The following PPP1R15B variants were observed in gnomAD, a reference collection of about 807,000 sequenced individuals.
The protein encoded by PPP1R15B is protein phosphatase 1, regulatory (inhibitor) subunit 15B.
Under a neutral mutation model 53.9 loss-of-function variants are expected in PPP1R15B, and 31 were observed. The observed-to-expected ratio is 0.58, with a 90% CI of 0.43 to 0.78. PPP1R15B has a LOEUF of 0.78. Among genes scored for constraint, PPP1R15B ranks in the 30% least tolerant of loss-of-function variants. PPP1R15B has a pLI of 0.00. For synonymous variants in PPP1R15B, 345 were observed against 329.1 expected, an observed-to-expected ratio of 1.05 and a Z score of -0.52; for missense variants, 928 against 849.6, an observed-to-expected ratio of 1.09 and a Z score of -1.15.
In PPP1R15B at chr1:204,405,526, GA is replaced by G. The variant is rs551600593; in HGVS notation, c.*565del. Reference sequence around the variant, plus strand: ...TTTTCAATCCAAGTCATTTTTACAAGAAAAAAAAAAGTGACACAAAATAATG... The same window carrying G: ...TTTTCAATCCAAGTCATTTTTACAAGAAAAAAAAAGTGACACAAAATAATG... On this transcript the variant is annotated 3_prime_UTR_variant, in exon 2 of 2. Transcript: ENST00000367188. 447 of 907,364 alleles carry G rather than the reference GA, an allele frequency of 4.9e-4. No homozygotes were observed. Among genetic ancestry groups the G allele is most frequent in the Middle Eastern group, 5.6e-4 (1 of 1,776 alleles). The allele number at this position is 907,364 out of a possible 1,614,324, so 56.2% of individuals were successfully genotyped here.
chr1:204,405,772 T>C lies in PPP1R15B; in HGVS notation c.*320A>G. The C allele has an allele frequency of 9.6e-7, 1 of 1,044,188 alleles. No individual in the cohort carries two copies. The highest frequency in any genetic ancestry group is 1.2e-6 in the Non-Finnish European group (1 of 865,874). 64.7% of individuals were successfully genotyped at this position (1,044,188 alleles called of 1,614,324 possible). A position where few individuals can be genotyped will look rare whatever the true frequency, so the allele number is the denominator to read the frequency against. On this transcript the variant is annotated 3_prime_UTR_variant, in exon 2 of 2. Transcript: ENST00000367188. ...CTATAAATATTGTTTTCCAAGAAAA[T>C]AAGTTTTGAAAGTGCAAAATGACAA... is the stretch of plus-strand genomic sequence containing the variant.
At chr1:204,399,782 G>A (rs1674147344), downstream of PPP1R15B, among the ~76,000 whole-genome samples, 1 of 152,078 alleles carries the variant, frequency 6.6e-6, no homozygotes, top group South Asian at 2.1e-4. Flanking sequence ...GGGGTTGGGG[G>A]ATAGAGTGAT....
In PPP1R15B at chr1:204,409,694, G is replaced by C; in HGVS notation, c.1718C>G (p.Ala573Gly). 6.2e-7 allele frequency: 1 copy of C among 1,614,050 alleles called. No homozygotes were observed. Among genetic ancestry groups the C allele is most frequent in the East Asian group, 2.2e-5 (1 of 44,872 alleles). ...ATTTTCCCCTGATGTTTGAAAAGGA[G>C]CCTTAAAATTTAAAGGGTTGTAGGG... The part of the protein sequence containing the change: ...DDPYNPLNFK[A>G]PFQTSGENEK... Residue 573 changes from alanine to glycine, a missense_variant, in exon 1 of 2, where the codon GCT (alanine) becomes GGT (glycine). Ala to Gly is a moderately conservative substitution (Grantham distance 60). Transcript: ENST00000367188.
At chr1:204,399,679 T>C (rs1385346112), downstream of PPP1R15B, among the ~76,000 whole-genome samples, 1 of 151,684 alleles carries the variant, frequency 6.6e-6, no homozygotes, top group Non-Finnish European at 1.5e-5. Flanking sequence ...TACAGACTAG[T>C]GAGGGTGGTG....
downstream of PPP1R15B, among the ~76,000 whole-genome samples, chr1:204,396,103 C>T (rs979267116): frequency 7.2e-5 from 11 of 152,126 alleles, no homozygotes; most frequent in African/African-American, 2.7e-4. Flanking sequence ...AGACACTCAA[C>T]AGCACAGATG....
chr1:204,410,859 G>C lies in PPP1R15B; in HGVS notation c.553C>G (p.Leu185Val), dbSNP rs1304590380. ...CGGGATTGAAGGCTACTGGGCAACA[G>C]CTCCACTCCCCACAGCTGCTGCTCT... ...LLEQQLWGVELLPSSLQSRLY... is the reference protein window; with the variant it reads ...LLEQQLWGVEVLPSSLQSRLY... The change falls in exon 1 of 2, where the codon CTG becomes GTG. Residue 185 changes from leucine to valine, a missense_variant. Leu to Val is a conservative substitution (Grantham distance 32). Coordinates refer to ENST00000367188, the MANE Select transcript of PPP1R15B (RefSeq NM_032833.5). 2 of 1,614,076 alleles carry C rather than the reference G, an allele frequency of 1.2e-6. No homozygotes were observed. The highest frequency in any genetic ancestry group is 2.7e-5 in the African/African-American group (2 of 74,938).
intron 1 of PPP1R15B, among the ~76,000 whole-genome samples, chr1:204,408,859 T>G (rs1395045368): frequency 1.3e-5 from 2 of 152,202 alleles, no homozygotes; most frequent in Non-Finnish European, 2.9e-5. Flanking sequence ...CACTGATAAC[T>G]AGCATTGCAT....
At chr1:204,401,627 G>A (rs1380664212), downstream of PPP1R15B, among the ~76,000 whole-genome samples, 1 of 152,066 alleles carries the variant, frequency 6.6e-6, no homozygotes, top group Non-Finnish European at 1.5e-5. Flanking sequence ...TTTTAAAAAG[G>A]TACAGAGAAT....
chr1:204,401,750 A>G (rs1210118107), downstream of PPP1R15B, among the ~76,000 whole-genome samples: 1 of 152,138 alleles, frequency 6.6e-6, no homozygotes, highest in Non-Finnish European at 1.5e-5. Context: ...GCAAAACCCC[A>G]TCTCTACAAA....
chr1:204,397,336 G>A (rs1469239078), downstream of PPP1R15B, among the ~76,000 whole-genome samples: 1 of 152,064 alleles, frequency 6.6e-6, no homozygotes, highest in Non-Finnish European at 1.5e-5. Flanking sequence ...ACCACCCTGG[G>A]CAACATGGGG....
At position 204,410,606 on chromosome 1, in the gene PPP1R15B, G is replaced by T. The variant is rs1038411739; in HGVS notation, c.806C>A (p.Pro269Gln). The T allele has an allele frequency of 1.9e-6, 3 of 1,614,018 alleles. No individual in the cohort carries two copies. Among genetic ancestry groups the T allele is most frequent in the Non-Finnish European group, 1.7e-6 (2 of 1,179,930 alleles). The part of the protein sequence containing the change: ...CLREDHCHPQ[P>Q]LSAELIPASW... ...GGCCGGAATGAGTTCTGCACTCAGC[G>T]GCTGGGGATGACAATGGTCCTCTCT... Residue 269 changes from proline (P) to glutamine (Q), a missense_variant, in exon 1 of 2, where the codon CCG (proline) becomes CAG (glutamine). Physicochemically the swap from Pro to Gln is moderately conservative, Grantham distance 76. Coordinates refer to ENST00000367188, the MANE Select transcript of PPP1R15B (RefSeq NM_032833.5).
At position 204,406,282 on chromosome 1, in the gene PPP1R15B, T is replaced by C. The variant is rs1386378946; in HGVS notation, c.1952A>G (p.Tyr651Cys). ...VTFLEEVTEY[Y>C]ISGDEDRKGP... ...TTTGCGATCCTCATCACCACTTATATAATACTCAGTAACTTCTTCAAGGAA... is the reference window on the plus strand; with the variant it reads ...TTTGCGATCCTCATCACCACTTATACAATACTCAGTAACTTCTTCAAGGAA... The change falls in exon 2 of 2, where the codon TAT becomes TGT. Residue 651 changes from tyrosine (Y) to cysteine (C), a missense_variant. Physicochemically the swap from Tyr to Cys is radical, Grantham distance 194. Transcript: ENST00000367188. 4 of 1,614,000 alleles carry C rather than the reference T, an allele frequency of 2.5e-6. No homozygotes were observed. The highest frequency in any genetic ancestry group is 3.4e-6 in the Non-Finnish European group (4 of 1,179,900).
rs540029518 is a variant in PPP1R15B, at chr1:204,409,973, G to C, written c.1439C>G (p.Ser480Cys). The C allele has an allele frequency of 1.2e-6, 2 of 1,614,174 alleles. No individual in the cohort carries two copies. The highest frequency in any genetic ancestry group is 2.2e-5 in the South Asian group (2 of 91,088). ...ATTATAAGGATCTACACTGCAGAAA[G>C]AGTTCCAAAGGTGAAGCCCTTCAGG... ...QDPEGLHLWN[S>C]FCSVDPYNPQ... Residue 480 changes from serine (S) to cysteine (C), a missense_variant, in exon 1 of 2, where the codon TCT becomes TGT. Transcript: ENST00000367188.
In PPP1R15B at chr1:204,410,154, C is replaced by T; in HGVS notation, c.1258G>A (p.Ala420Thr). 6.2e-7 allele frequency: 1 copy of T among 1,613,956 alleles called. No homozygotes were observed. Among genetic ancestry groups the T allele is most frequent in the Non-Finnish European group, 8.5e-7 (1 of 1,180,034 alleles). The part of the protein sequence containing the change: ...EGDLPISARP[A>T]CSNKLIDYIL... ...TAATCTATCAGTTTGTTACTACAAGCTGGTCTGGCAGAAATGGGAAGGTCA... is the reference window on the plus strand; with the variant it reads ...TAATCTATCAGTTTGTTACTACAAGTTGGTCTGGCAGAAATGGGAAGGTCA... Residue 420 changes from alanine (A) to threonine (T), a missense_variant, in exon 1 of 2, where the codon GCT becomes ACT. Coordinates refer to ENST00000367188, the MANE Select transcript of PPP1R15B (RefSeq NM_032833.5).
downstream of PPP1R15B, among the ~76,000 whole-genome samples, chr1:204,397,353 C>T (rs1055238762): frequency 6.6e-6 from 1 of 151,930 alleles, no homozygotes; most frequent in African/African-American, 2.4e-5. Context: ...GGGGTGAAAC[C>T]TGTCTCTACT....
rs1362805927 is a variant in PPP1R15B at position 204,411,268 on chromosome 1, G to A, written c.144C>T (p.Pro48=). Residue 48 remains proline, a synonymous_variant, in exon 1 of 2, where the codon CCC becomes CCT. Coordinates refer to ENST00000367188, the MANE Select transcript of PPP1R15B (RefSeq NM_032833.5). Reference sequence around the variant, plus strand: ...CGGGCTGGGCAGAGGAAAGCAGTGTGGGGTTCCCGGAGTTTTCCGGGCCAA... The same window carrying A: ...CGGGCTGGGCAGAGGAAAGCAGTGTAGGGTTCCCGGAGTTTTCCGGGCCAA... ...TPLGPENSGN[P]TLLSSAQPET... is the part of the protein sequence containing the mutation. 1.2e-6 allele frequency: 2 copies of A among 1,614,230 alleles called. No homozygotes were observed. The highest frequency in any genetic ancestry group is 1.7e-6 in the Non-Finnish European group (2 of 1,180,052).
At chr1:204,396,917 G>C (rs139229622), downstream of PPP1R15B, among the ~76,000 whole-genome samples, 39 of 152,296 alleles carry the variant, frequency 2.6e-4, no homozygotes, top group East Asian at 7.3e-3. Context: ...AAATTGGCCA[G>C]GTGAGGTGGC....
chr1:204,411,047 T>C lies in PPP1R15B; in HGVS notation c.365A>G (p.Lys122Arg). The part of the protein sequence containing the change: ...REKPAAPTAQ[K>R]SLSSLQLDSS... ...GTCGAGCTGCAGCGAACTCAAAGAT[T>C]TCTGCGCTGTGGGGGCGGCTGGTTT... Residue 122 changes from lysine (K) to arginine (R), a missense_variant, in exon 1 of 2, where the codon AAA becomes AGA. Coordinates refer to ENST00000367188, the MANE Select transcript of PPP1R15B (RefSeq NM_032833.5). 6.2e-7 allele frequency: 1 copy of C among 1,614,122 alleles called. No homozygotes were observed. Among genetic ancestry groups the C allele is most frequent in the South Asian group, 1.1e-5 (1 of 91,076 alleles).
chr1:204,396,865 G>A (rs2942144), downstream of PPP1R15B, among the ~76,000 whole-genome samples: 127,386 of 152,052 alleles, frequency 0.84, 54,061 homozygotes, highest in Non-Finnish European at 0.91. Flanking sequence ...TCTACTGTAC[G>A]ACATGGTGAC....
Sources: gnomAD v4.1 joint callset for allele counts (sites outside exome capture counted in the v4.1 genomes callset) on GRCh38, gnomAD v4.1.1 for gene constraint, MANE v1.5 for transcripts, NCBI Gene and HGNC (gene_info 2026-07-23, HGNC 2026-07-21) for gene names.